SH3BP5: variants seen among roughly 807,000 people sequenced by gnomAD.
SH3BP5 encodes the protein SH3 domain-binding protein 5.
In SH3BP5, 22 loss-of-function variants were observed where a neutral mutation model predicts 43.3. The observed-to-expected ratio is 0.51, with a 90% CI of 0.36 to 0.73. The LOEUF (loss-of-function observed/expected upper bound fraction) is 0.73. Among genes scored for constraint, SH3BP5 ranks in the 30% least tolerant of loss-of-function variants. The probability of loss-of-function intolerance (pLI) is 0.00; values close to 1 mark genes in which losing one functional copy is unlikely to be tolerated. For synonymous variants in SH3BP5, 255 were observed against 225.8 expected (o/e 1.13, Z -1.16); for missense variants, 529 against 586.9 (o/e 0.90, Z 1.02).
At chr3:15,327,405 A>C (rs1163675170) in intron 2 of SH3BP5, among the ~76,000 whole-genome samples, 6 of 151,984 alleles carry the variant, frequency 3.9e-5, no homozygotes, top group African/African-American at 1.5e-4. Flanking sequence ...GTCTCAGGAA[A>C]AAAAAAACAA....
intron 3 of SH3BP5, among the ~76,000 whole-genome samples, chr3:15,291,469 G>A (rs1469032150): frequency 6.6e-6 from 1 of 151,884 alleles, no homozygotes; most frequent in East Asian, 1.9e-4. Flanking sequence ...TTTAGCTTAT[G>A]TACCAAATAT....
intron 3 of SH3BP5, among the ~76,000 whole-genome samples, chr3:15,300,511 GGGA>G (rs1697708505): frequency 1.4e-5 from 2 of 146,794 alleles, no homozygotes; most frequent in Admixed American, 1.4e-4. Context: ...CGGGGGCGGG[GGGA>G]CAAGAGGAAG....
chr3:15,306,626 G>T (rs887559299), intron 2 of SH3BP5, among the ~76,000 whole-genome samples: 3 of 152,162 alleles, frequency 2.0e-5, no homozygotes, highest in Admixed American at 6.5e-5. Context: ...TAAAACATGT[G>T]TTTCATTGGC....
chr3:15,338,942 G>A (rs1698733050), intron 1 of SH3BP5, among the ~76,000 whole-genome samples: 1 of 152,150 alleles, frequency 6.6e-6, no homozygotes, highest in African/African-American at 2.4e-5. Context: ...AGCCCTCATG[G>A]TAAGGTGTTG....
At chr3:15,322,718 C>T (rs1698360503) in intron 2 of SH3BP5, among the ~76,000 whole-genome samples, 1 of 152,136 alleles carries the variant, frequency 6.6e-6, no homozygotes, top group Non-Finnish European at 1.5e-5. Flanking sequence ...TCCTGTAGTC[C>T]CAGCTACTTG....
chr3:15,326,688 GC>G (rs1188934818), intron 2 of SH3BP5, among the ~76,000 whole-genome samples: 4 of 152,176 alleles, frequency 2.6e-5, no homozygotes, highest in Admixed American at 2.6e-4. Flanking sequence ...TGCTTTCAGT[GC>G]CCATCCTGTA....
rs771072399 is a variant in SH3BP5 at position 15,259,012 on chromosome 3, C to T, written c.708G>A (p.Leu236=). 4.3e-6 allele frequency: 7 copies of T among 1,614,212 alleles called. No individual in the cohort carries two copies. The South Asian group carries it at 4.4e-5, about 10-fold the overall frequency. ...TCTTGTACTCGCCTTTTGCCAGGGT[C>T]AGTTTGGCCTGCAGGTCATCCACAG... ...KKTVDDLQAK[L]TLAKGEYKMA... is the part of the protein sequence containing the mutation. Residue 236 remains leucine, a synonymous_variant, in exon 7 of 9, where the codon CTG becomes CTA. Transcript: ENST00000383791.
intron 1 of SH3BP5, among the ~76,000 whole-genome samples, chr3:15,337,639 C>T (rs1224754372): frequency 1.3e-5 from 2 of 152,042 alleles, no homozygotes; most frequent in East Asian, 3.9e-4. Flanking sequence ...CAGGCCAGGT[C>T]TCACACCTGT....
At chr3:15,312,762 A>G (rs1698091156) in intron 2 of SH3BP5, among the ~76,000 whole-genome samples, 1 of 152,182 alleles carries the variant, frequency 6.6e-6, no homozygotes, top group Non-Finnish European at 1.5e-5. Flanking sequence ...TAAAGAGGGG[A>G]ATCTGCTAGA....
At chr3:15,306,276 G>A (rs905884364) in intron 2 of SH3BP5, among the ~76,000 whole-genome samples, 11 of 152,116 alleles carry the variant, frequency 7.2e-5, no homozygotes, top group Admixed American at 5.9e-4. Flanking sequence ...GGAGAATGGC[G>A]TGAACCCGGG....
intron 3 of SH3BP5, among the ~76,000 whole-genome samples, chr3:15,294,311 G>A (rs996709057): frequency 6.7e-4 from 96 of 144,100 alleles, no homozygotes; most frequent in African/African-American, 1.7e-3. Flanking sequence ...GTGTGTGTGT[G>A]TGTGTGTGTG....
intron 3 of SH3BP5, among the ~76,000 whole-genome samples, chr3:15,286,041 T>C (rs1697255764): frequency 6.6e-6 from 1 of 152,234 alleles, no homozygotes; most frequent in African/African-American, 2.4e-5. Context: ...GCACAGCATA[T>C]GAAAAATCTG....
chr3:15,272,188 G>A (rs1339326225), intron 3 of SH3BP5, among the ~76,000 whole-genome samples: 1 of 152,168 alleles, frequency 6.6e-6, no homozygotes, highest in Non-Finnish European at 1.5e-5. Context: ...CTCAGAGCAC[G>A]CCAGCCCCCA....
chr3:15,340,525 G>C (rs1698753049), intron 1 of SH3BP5, among the ~76,000 whole-genome samples: 2 of 152,042 alleles, frequency 1.3e-5, no homozygotes, highest in South Asian at 4.1e-4. Flanking sequence ...CCAACACTTT[G>C]GGATCACCTG....
chr3:15,282,210 C>G (rs1472287560), intron 3 of SH3BP5, among the ~76,000 whole-genome samples: 1 of 152,166 alleles, frequency 6.6e-6, no homozygotes, highest in African/African-American at 2.4e-5. Context: ...ATGCCAAGGC[C>G]TCTGCTAACT....
intron 3 of SH3BP5, among the ~76,000 whole-genome samples, chr3:15,294,290 AGTGTGTGTGTGTGTGTGTGT>A (rs10522979): frequency 7.2e-6 from 1 of 138,136 alleles, no homozygotes; most frequent in Admixed American, 7.2e-5. Flanking sequence ...TGCAAAAGTA[AGTGTGTGTGTGTGTGTGTGT>A]GTGTGTGTGT....
chr3:15,307,878 A>G (rs1306666213), intron 2 of SH3BP5, among the ~76,000 whole-genome samples: 2 of 152,240 alleles, frequency 1.3e-5, no homozygotes, highest in Non-Finnish European at 2.9e-5. Context: ...AGCCGGTCAC[A>G]TCAACCCCCA....
At chr3:15,338,794 G>A (rs1698731277) in intron 1 of SH3BP5, among the ~76,000 whole-genome samples, 1 of 152,098 alleles carries the variant, frequency 6.6e-6, no homozygotes, top group African/African-American at 2.4e-5. Flanking sequence ...TGATTGGCAA[G>A]AGTGTGGAGA....
At chr3:15,300,250 A>G (rs936112255) in intron 3 of SH3BP5, among the ~76,000 whole-genome samples, 2 of 152,174 alleles carry the variant, frequency 1.3e-5, no homozygotes, top group African/African-American at 4.8e-5. Context: ...TTTTTTAATG[A>G]AGCCGAAACC....
Sources: gnomAD v4.1 joint callset for allele counts (sites outside exome capture counted in the v4.1 genomes callset) on GRCh38, gnomAD v4.1.1 for gene constraint, MANE v1.5 for transcripts, NCBI Gene and HGNC (gene_info 2026-07-23, HGNC 2026-07-21) for gene names.